The following RBBP8 variants were observed in gnomAD, a reference collection of about 807,000 sequenced individuals.
RBBP8 encodes the protein DNA endonuclease RBBP8.
Under a neutral mutation model 108.3 loss-of-function variants are expected in RBBP8, and 88 were observed. The observed-to-expected ratio is 0.81, with a 90% CI of 0.68 to 0.97. RBBP8 has a LOEUF of 0.97. Among genes scored for constraint, RBBP8 ranks in the 50% least tolerant of loss-of-function variants. The pLI is 0.00. For missense variants in RBBP8, 1,023 were observed against 1,049.0 expected, an observed-to-expected ratio of 0.98 and a Z score of 0.34; for synonymous variants, 332 against 348.2, an observed-to-expected ratio of 0.95 and a Z score of 0.52.
chr18:22,964,025 T>C (rs1261258012), intron 4 of RBBP8, among the ~76,000 whole-genome samples: 3 of 152,234 alleles, frequency 2.0e-5, no homozygotes, highest in Admixed American at 6.5e-5. Context: ...TTGGAAATAA[T>C]TCTCTTTCAG....
rs752961149 is a variant in RBBP8 at position 22,997,670 on chromosome 18, A to G, written c.2079A>G (p.Thr693=). ...LGGETVDMDC[T]LVSETVLLKM... is the part of the protein sequence containing the mutation. ...GAGAGACAGTGGACATGGACTGTAC[A>G]TTGGTTAGTGAAACCGTTCTCTTAA... Residue 693 remains threonine (T), a synonymous_variant, in exon 14 of 19, where the codon ACA becomes ACG. Coordinates refer to ENST00000327155, the MANE Select transcript of RBBP8 (RefSeq NM_002894.3). 1 of 1,611,086 alleles carries G rather than the reference A, an allele frequency of 6.2e-7. No individual in the cohort carries two copies. The highest frequency in any genetic ancestry group is 8.5e-7 in the Non-Finnish European group (1 of 1,178,198).
chr18:23,010,810 C>G (rs115318687), intron 16 of RBBP8, among the ~76,000 whole-genome samples: 1,855 of 152,132 alleles, frequency 0.012, 43 homozygotes, highest in African/African-American at 0.042. Context: ...GACTGCAAAC[C>G]TGGGAAGATG....
chr18:22,952,918 C>T (rs942980666), intron 4 of RBBP8, among the ~76,000 whole-genome samples: 12 of 152,146 alleles, frequency 7.9e-5, no homozygotes, highest in Non-Finnish European at 1.3e-4. Flanking sequence ...ATGGCATTAA[C>T]GCCAAGAGAT....
At chr18:22,972,601 A>T in intron 5 of RBBP8, among the ~76,000 whole-genome samples, 1 of 151,824 alleles carries the variant, frequency 6.6e-6, no homozygotes, top group East Asian at 2.0e-4. Flanking sequence ...TTTAGTAGAG[A>T]TGGGGTTTTG....
Position 22,933,564 on chromosome 18 carries a change from G to A in RBBP8, c.-99G>A, listed in dbSNP as rs1452670455. 2 of 153,470 alleles carry A rather than the reference G, an allele frequency of 1.3e-5. No homozygotes were observed. Among genetic ancestry groups the A allele is most frequent in the African/African-American group, 4.8e-5 (2 of 41,242 alleles). The allele number at this position is 153,470 out of a possible 1,614,324, so 9.5% of individuals were successfully genotyped here. On this transcript the variant is annotated splice_region_variant and 5_prime_UTR_variant, in exon 1 of 19. Transcript: ENST00000327155. ...CGAATCCCGAGGCAATCTCGGAGGC[G>A]GTGAGTAAAAGCAATCTCTTTACCC...
In RBBP8 at chr18:22,936,968, C is replaced by G; in HGVS notation, c.109+8C>G. The G allele has an allele frequency of 6.2e-7, 1 of 1,613,672 alleles. No individual in the cohort carries two copies. Among genetic ancestry groups the G allele is most frequent in the East Asian group, 2.2e-5 (1 of 44,856 alleles). On this transcript the variant is annotated splice_region_variant and intron_variant, in intron 2 of 18. Transcript: ENST00000327155. ...ATGATAGAGAAGTACAAGGTAAAATCTTTTCTTAAATACTTACAGCAGTAT... is the reference window on the plus strand; with the variant it reads ...ATGATAGAGAAGTACAAGGTAAAATGTTTTCTTAAATACTTACAGCAGTAT...
chr18:22,947,016 C>T (rs930023410), intron 3 of RBBP8, among the ~76,000 whole-genome samples: 8 of 151,936 alleles, frequency 5.3e-5, no homozygotes, highest in Non-Finnish European at 8.8e-5. Context: ...TTTTTAAGTT[C>T]GGGAACATAT....
chr18:22,968,482 G>A (rs1167940999), intron 4 of RBBP8, among the ~76,000 whole-genome samples: 1 of 152,186 alleles, frequency 6.6e-6, no homozygotes, highest in Non-Finnish European at 1.5e-5. Flanking sequence ...GTTGCTTCAG[G>A]TATAATTCTA....
intron 12 of RBBP8, among the ~76,000 whole-genome samples, chr18:22,994,106 C>T (rs1162340782): frequency 7.1e-5 from 10 of 140,884 alleles, no homozygotes; most frequent in Non-Finnish European, 1.2e-4. Context: ...CTGCAAGCTC[C>T]GCCTCCCGGG....
intron 5 of RBBP8, among the ~76,000 whole-genome samples, chr18:22,971,568 A>G (rs988557641): frequency 6.6e-6 from 1 of 151,552 alleles, no homozygotes; most frequent in Non-Finnish European, 1.5e-5. Flanking sequence ...TTGTGAATTT[A>G]TAAAACTCTT....
intron 16 of RBBP8, among the ~76,000 whole-genome samples, chr18:23,013,373 G>T (rs1190086368): frequency 6.6e-6 from 1 of 152,138 alleles, no homozygotes; most frequent in Non-Finnish European, 1.5e-5. Context: ...TTTTTGCAGA[G>T]TCGGTTTTTG....
At position 22,993,818 on chromosome 18, in the gene RBBP8, GTAAAA is replaced by G; in HGVS notation, c.1915_1919del (p.Ile639ValfsTer11). ...CTTCAGTTAAATCCATGTAGAACTG[GTAAAA>G]TAAAGTCTCTACAAAACAACCAAGG... On this transcript the variant is annotated frameshift_variant, in exon 12 of 19. Coordinates refer to ENST00000327155, the MANE Select transcript of RBBP8 (RefSeq NM_002894.3). LOFTEE classifies it high-confidence loss of function. 1.2e-6 allele frequency: 2 copies of G among 1,613,372 alleles called. No individual in the cohort carries two copies. Among genetic ancestry groups the G allele is most frequent in the Non-Finnish European group, 8.5e-7 (1 of 1,179,462 alleles).
intron 12 of RBBP8, among the ~76,000 whole-genome samples, chr18:22,994,083 C>T (rs571569431): frequency 2.8e-4 from 37 of 130,978 alleles, no homozygotes; most frequent in East Asian, 7.0e-4. Context: ...TGCAGTGGCG[C>T]GATCTCGGCT....
chr18:22,923,897 T>A (rs1909692202), intron 3 of RBBP8, among the ~76,000 whole-genome samples: 2 of 152,160 alleles, frequency 1.3e-5, no homozygotes, highest in Admixed American at 6.5e-5. Flanking sequence ...ATTTCTCAAA[T>A]GTACATATCT....
At position 23,016,179 on chromosome 18, in the gene RBBP8, T is replaced by C. The variant is rs143428392; in HGVS notation, c.2358-649T>C. Among the ~76,000 whole-genome samples, 389 of 152,338 alleles carry C rather than the reference T, an allele frequency of 2.6e-3. 1 individual carries two copies. The highest frequency in any genetic ancestry group is 9.0e-3 in the African/African-American group (376 of 41,592). On this transcript the variant is annotated intron_variant, in intron 16 of 18. Coordinates refer to ENST00000327155, the MANE Select transcript of RBBP8 (RefSeq NM_002894.3). Reference sequence around the variant, plus strand: ...CTGCGCCCATCCAGCTTTGTTCTTTTTTGCTCAGGATTGCTTTGGCTATTG... The same window carrying C: ...CTGCGCCCATCCAGCTTTGTTCTTTCTTGCTCAGGATTGCTTTGGCTATTG...
intron 17 of RBBP8, among the ~76,000 whole-genome samples, chr18:23,018,100 G>A (rs193183244): frequency 2.0e-4 from 31 of 151,998 alleles, no homozygotes; most frequent in Non-Finnish European, 4.3e-4. Context: ...TGCCTAGGCT[G>A]GAGCACAATA....
At chr18:22,926,723 C>G (rs1350267878) in intron 3 of RBBP8, among the ~76,000 whole-genome samples, 1 of 152,074 alleles carries the variant, frequency 6.6e-6, no homozygotes, top group Admixed American at 6.6e-5. Flanking sequence ...GAGTGAAGAT[C>G]AAAATAAAGC....
chr18:23,015,014 T>TAC (rs1421389390), intron 16 of RBBP8, among the ~76,000 whole-genome samples: 1 of 152,134 alleles, frequency 6.6e-6, no homozygotes, highest in African/African-American at 2.4e-5. Context: ...GCCTCCTGAG[T>TAC]ACCTGGGACT....
intron 7 of RBBP8, among the ~76,000 whole-genome samples, chr18:22,983,438 CACTTA>C (rs1206396778): frequency 6.6e-6 from 1 of 152,160 alleles, no homozygotes; most frequent in East Asian, 1.9e-4. Context: ...AAAAATCCTA[CACTTA>C]AATAGGAGCT....
Sources: gnomAD v4.1 joint callset for allele counts (sites outside exome capture counted in the v4.1 genomes callset) on GRCh38, gnomAD v4.1.1 for gene constraint, MANE v1.5 for transcripts, NCBI Gene and HGNC (gene_info 2026-07-23, HGNC 2026-07-21) for gene names.